CDAN1: variants seen among roughly 807,000 people sequenced by gnomAD.
CDAN1 encodes the protein codanin-1.
CDAN1 carries 107 observed loss-of-function variants against 139.8 expected under a neutral mutation model. The ratio of observed to expected loss-of-function variants is 0.77; its 90% CI spans 0.65 to 0.90. The LOEUF (loss-of-function observed/expected upper bound fraction) is 0.90, where lower values mean the gene tolerates loss of function less well. CDAN1 is among the 40% of genes least tolerant of loss of function. CDAN1 has a pLI of 0.00. For missense variants in CDAN1, 1,667 were observed against 1,575.7 expected (o/e 1.06, Z -0.98); for synonymous variants, 776 against 660.6 (o/e 1.17, Z -2.68).
At position 42,734,009 on chromosome 15, in the gene CDAN1, G is replaced by T; in HGVS notation, c.1296C>A (p.Ser432=). 6.2e-7 allele frequency: 1 copy of T among 1,614,182 alleles called. No individual in the cohort carries two copies. Among genetic ancestry groups the T allele is most frequent in the Non-Finnish European group, 8.5e-7 (1 of 1,179,982 alleles). ...LVMPPSTQAV[S]FQPETDNRAN... Reference sequence around the variant, plus strand: ...CACGATTGTCAGTCTCTGGCTGAAAGGAGACAGCTTGAGTAGAGGGAGGCA... The same window carrying T: ...CACGATTGTCAGTCTCTGGCTGAAATGAGACAGCTTGAGTAGAGGGAGGCA... Residue 432 remains serine (S), a synonymous_variant, in exon 8 of 28, where the codon TCC becomes TCA. Transcript: ENST00000356231.
intron 9 of CDAN1, 92 bp from the exon 10 acceptor site, chr15:42,732,500 G>A (rs924671814): frequency 2.8e-5 from 33 of 1,194,822 alleles, no homozygotes; most frequent in African/African-American, 4.5e-5. Flanking sequence ...CTTCCCAGCC[G>A]TTTACCAGGG....
chr15:42,728,028 C>A lies in CDAN1; in HGVS notation c.2874G>T (p.Leu958=), dbSNP rs1239196180. Reference sequence around the variant, plus strand: ...CCACAGCAATGTTCTCTGCACTGCTCAGAACCTGCGAAACAGAACTACAGA... The same window carrying A: ...CCACAGCAATGTTCTCTGCACTGCTAAGAACCTGCGAAACAGAACTACAGA... The part of the protein sequence containing the change: ...LLPEETPAAV[L]SSAENIAVGL... Residue 958 remains leucine, a synonymous_variant, in exon 22 of 28, where the codon CTG becomes CTT. Transcript: ENST00000356231. 6.2e-7 allele frequency: 1 copy of A among 1,614,008 alleles called. No homozygotes were observed. The highest frequency in any genetic ancestry group is 1.3e-5 in the African/African-American group (1 of 75,032).
intron 9 of CDAN1, 58 bp from the exon 10 acceptor site, chr15:42,732,466 TGA>T (rs1405225847): frequency 1.8e-5 from 27 of 1,518,338 alleles, no homozygotes; most frequent in Non-Finnish European, 2.3e-5. Flanking sequence ...GAGAAAGATC[TGA>T]GAGAAGCAGC....
Position 42,736,544 on chromosome 15 carries a change from G to T in CDAN1, c.327C>A (p.Thr109=). 1 of 1,470,546 alleles carries T rather than the reference G, an allele frequency of 6.8e-7. No individual in the cohort carries two copies. Among genetic ancestry groups the T allele is most frequent in the Non-Finnish European group, 9.0e-7 (1 of 1,113,384 alleles). The allele number at this position is 1,470,546 out of a possible 1,614,324, so 91.1% of individuals were successfully genotyped here. A position where few individuals can be genotyped will look rare whatever the true frequency, so the allele number is the denominator to read the frequency against. ...GGCGGGCCAGAGGGGCCTCGGCAGCGGTGCTCTGGGCCTCGGTCGGAGGGA... is the reference window on the plus strand; with the variant it reads ...GGCGGGCCAGAGGGGCCTCGGCAGCTGTGCTCTGGGCCTCGGTCGGAGGGA... The part of the protein sequence containing the change: ...QLFPPTEAQS[T]AAEAPLARRG... The change falls in exon 2 of 28, where the codon ACC becomes ACA. Residue 109 remains threonine, a synonymous_variant. Transcript: ENST00000356231.
chr15:42,725,743 A>C, intron 25 of CDAN1, 73 bp from the exon 26 acceptor site: 1 of 1,497,010 alleles, frequency 6.7e-7, no homozygotes, highest in Admixed American at 1.8e-5. Context: ...CTATAATCCC[A>C]ACACTTCGGG....
chr15:42,731,244 A>T lies in CDAN1; in HGVS notation c.1827T>A (p.Asn609Lys), dbSNP rs375186344. The change falls in exon 12 of 28, where the codon AAT becomes AAA. Residue 609 changes from asparagine (N) to lysine (K), a missense_variant. This residue lies in a region of CDAN1 where 936 missense variants were observed against 844.1 expected (regional missense o/e 1.11). Transcript: ENST00000356231. ...NGLALPQHEPNDEDGESDVDW... is the reference protein window; with the variant it reads ...NGLALPQHEPKDEDGESDVDW... ...CTACGTCTGACTCCCCGTCTTCATC[A>T]TTGGGCTCATGCTGGGGCAGGGCAA... 8.9e-5 allele frequency: 144 copies of T among 1,614,028 alleles called. No homozygotes were observed. The highest frequency in any genetic ancestry group is 1.2e-4 in the Non-Finnish European group (139 of 1,180,034).
At chr15:42,732,605 A>G (rs1484167657) in intron 9 of CDAN1, among the ~76,000 whole-genome samples, 197 bp from the exon 10 acceptor site, 1 of 152,164 alleles carries the variant, frequency 6.6e-6, no homozygotes, top group Admixed American at 6.5e-5. Flanking sequence ...CTAGAGGTGC[A>G]CTTAACCAAA....
chr15:42,725,480 C>T lies in CDAN1; in HGVS notation c.3450+9G>A. On this transcript the variant is annotated intron_variant, in intron 26 of 27. Transcript: ENST00000356231. ...GACTGCAGAGGGCTTCTTGTTCCGT[C>T]TGACTCACCTCCCTTGGCCTTGTGT... The T allele has an allele frequency of 1.2e-6, 2 of 1,614,186 alleles. No individual in the cohort carries two copies. The highest frequency in any genetic ancestry group is 1.7e-6 in the Non-Finnish European group (2 of 1,180,034).
intron 23 of CDAN1, among the ~76,000 whole-genome samples, 175 bp downstream of exon 23, chr15:42,727,446 C>G (rs1371022401): frequency 4.6e-5 from 7 of 152,208 alleles, no homozygotes; most frequent in Non-Finnish European, 7.3e-5. Flanking sequence ...GAAAACCATT[C>G]AATTCAGCTC....
rs1015790044 is a variant in CDAN1, at chr15:42,727,699, G to A, written c.3018C>T (p.Ala1006=). The change falls in exon 23 of 28, where the codon GCC becomes GCT. Residue 1006 remains alanine (A), a synonymous_variant. Transcript: ENST00000356231. ...TLRAQGPEPA[A]RGERRGCSRA... ...GGGAGCAGCCCCTCCGCTCCCCCCG[G>A]GCAGCAGGTTCAGGACCCTGGGCTC... 1 of 1,584,768 alleles carries A rather than the reference G, an allele frequency of 6.3e-7. No individual in the cohort carries two copies. Among genetic ancestry groups the A allele is most frequent in the Non-Finnish European group, 8.6e-7 (1 of 1,161,402 alleles).
chr15:42,727,987 TTC>T lies in CDAN1; in HGVS notation c.2913_2914del (p.Lys972SerfsTer31). 6.2e-7 allele frequency: 1 copy of T among 1,614,156 alleles called. No individual in the cohort carries two copies. Among genetic ancestry groups the T allele is most frequent in the Non-Finnish European group, 8.5e-7 (1 of 1,180,002 alleles). On this transcript the variant is annotated frameshift_variant, in exon 22 of 28. Transcript: ENST00000356231. LOFTEE classifies it high-confidence loss of function. ...GTTGGCTGACAGCCAAGCACAGGCT[TTC>T]TCTGTTGCAAGCCCCACAGCAATGT...
chr15:42,736,810 G>A (rs1165890872), intron 1 of CDAN1, 30 bp from the exon 2 acceptor site: 2 of 1,498,954 alleles, frequency 1.3e-6, no homozygotes, highest in Non-Finnish European at 1.8e-6. Flanking sequence ...GGAGGGGCGA[G>A]AGGGTCAGCC....
Position 42,735,043 on chromosome 15 carries a change from A to G in CDAN1, c.1136+57T>C, listed in dbSNP as rs562634325. ...GCACCAGCATATATCCCAAGCAGCC[A>G]GAGAGCTAAGCAGATGATGAGAATG... On this transcript the variant is annotated intron_variant, in intron 6 of 27. Coordinates refer to ENST00000356231, the MANE Select transcript of CDAN1 (RefSeq NM_138477.4). 8.2e-6 allele frequency: 10 copies of G among 1,221,134 alleles called. No individual in the cohort carries two copies. The African/African-American group carries it at 1.0e-4, about 13-fold the overall frequency. The allele number at this position is 1,221,134 out of a possible 1,614,324, so 75.6% of individuals were successfully genotyped here.
chr15:42,727,994 T>C lies in CDAN1; in HGVS notation c.2908A>G (p.Thr970Ala), dbSNP rs771026419. 2.5e-6 allele frequency: 4 copies of C among 1,614,048 alleles called. No homozygotes were observed. Among genetic ancestry groups the C allele is most frequent in the African/African-American group, 2.7e-5 (2 of 74,934 alleles). The change falls in exon 22 of 28, where the codon ACA becomes GCA. Residue 970 changes from threonine (T) to alanine (A), a missense_variant. By Grantham distance (58) the Thr-to-Ala change is moderately conservative. Coordinates refer to ENST00000356231, the MANE Select transcript of CDAN1 (RefSeq NM_138477.4). ...GACAGCCAAGCACAGGCTTTCTCTG[T>C]TGCAAGCCCCACAGCAATGTTCTCT... Reference protein sequence around the residue: ...SAENIAVGLATEKACAWLSAN... With the variant: ...SAENIAVGLAAEKACAWLSAN...
intron 27 of CDAN1, 67 bp from the exon 28 acceptor site, chr15:42,724,683 A>G: frequency 6.6e-7 from 1 of 1,526,078 alleles, no homozygotes; most frequent in South Asian, 1.2e-5. Context: ...ATCCTTTGTC[A>G]CTAAAGACCA....
At chr15:42,726,516 G>C in intron 23 of CDAN1, 99 bp from the exon 24 acceptor site, 2 of 927,104 alleles carry the variant, frequency 2.2e-6, no homozygotes, top group South Asian at 2.8e-5. Context: ...AGAGGCAGAA[G>C]AATGGGCCCC....
rs1566982580 is a variant in CDAN1, at chr15:42,729,313, C to A, written c.2457G>T (p.Arg819=). Residue 819 remains arginine, a synonymous_variant, in exon 18 of 28, where the codon CGG becomes CGT. Coordinates refer to ENST00000356231, the MANE Select transcript of CDAN1 (RefSeq NM_138477.4). ...LASWVSGSSG[R]SGGFMRKITP... is the part of the protein sequence containing the mutation. ...TGATTTTCCTCATGAAGCCCCCACTCCGTCCACTACTGCCTGACACCCACG... is the reference window on the plus strand; with the variant it reads ...TGATTTTCCTCATGAAGCCCCCACTACGTCCACTACTGCCTGACACCCACG... 1.2e-6 allele frequency: 2 copies of A among 1,614,130 alleles called. No individual in the cohort carries two copies. Among genetic ancestry groups the A allele is most frequent in the African/African-American group, 1.3e-5 (1 of 75,036 alleles).
chr15:42,734,256 A>T lies in CDAN1; in HGVS notation c.1227T>A (p.Leu409=). 6.2e-7 allele frequency: 1 copy of T among 1,614,110 alleles called. No homozygotes were observed. Among genetic ancestry groups the T allele is most frequent in the Non-Finnish European group, 8.5e-7 (1 of 1,180,036 alleles). ...CAACACTGCCCTCATAGGCAGCTCGAAGGCGGCCTTGCAGAGCTGGTGAGA... is the reference window on the plus strand; with the variant it reads ...CAACACTGCCCTCATAGGCAGCTCGTAGGCGGCCTTGCAGAGCTGGTGAGA... ...LCFSPALQGR[L]RAAYEGSVAK... The change falls in exon 7 of 28, where the codon CTT becomes CTA. Residue 409 remains leucine, a synonymous_variant. Coordinates refer to ENST00000356231, the MANE Select transcript of CDAN1 (RefSeq NM_138477.4).
intron 16 of CDAN1, 35 bp downstream of exon 16, chr15:42,729,760 AG>A (rs1334830977): frequency 1.9e-6 from 3 of 1,602,944 alleles, no homozygotes; most frequent in African/African-American, 2.7e-5. Flanking sequence ...TTTATTCCTG[AG>A]TTTCCCATGG....
Sources: allele counts gnomAD v4.1 joint callset (sites outside exome capture counted in the v4.1 genomes callset), GRCh38; gene constraint gnomAD v4.1.1; regional missense constraint gnomAD v4.1.1; transcripts MANE v1.5; gene names NCBI Gene and HGNC (gene_info 2026-07-23, HGNC 2026-07-21).